SMOC2: variants seen among roughly 807,000 people sequenced by gnomAD.
SMOC2 encodes SPARC related modular calcium binding 2, also known as SPARC-related modular calcium-binding protein 2.
A neutral mutation model predicts 61.4 loss-of-function variants in SMOC2; 39 were observed. That is an observed-to-expected ratio of 0.64 (90% CI 0.49 to 0.83). SMOC2 has a LOEUF of 0.83. Ranked by LOEUF, SMOC2 falls within the 40% of genes least tolerant of loss-of-function variation. SMOC2 has a pLI of 0.00. For missense variants in SMOC2, 556 were observed against 592.9 expected (o/e 0.94, Z 0.65); for synonymous variants, 247 against 239.9 (o/e 1.03, Z -0.27).
intron 7 of SMOC2, among the ~76,000 whole-genome samples, chr6:168,573,321 G>A (rs1289981370): frequency 9.7e-6 from 1 of 103,600 alleles, no homozygotes; most frequent in Non-Finnish European, 1.8e-5. Flanking sequence ...CGGGACCAGG[G>A]CTGCGTGCTC....
At chr6:168,581,887 C>T (rs915038623) in intron 7 of SMOC2, among the ~76,000 whole-genome samples, 2 of 152,188 alleles carry the variant, frequency 1.3e-5, no homozygotes, top group Non-Finnish European at 2.9e-5. Flanking sequence ...CTGACTTCAG[C>T]GTCTCCTTCA....
chr6:168,558,800 TGC>T (rs980737073), intron 7 of SMOC2, among the ~76,000 whole-genome samples: 7 of 133,466 alleles, frequency 5.2e-5, no homozygotes, highest in Non-Finnish European at 1.0e-4. Context: ...GGTGTGCGTG[TGC>T]GCATGTGTGT....
intron 2 of SMOC2, among the ~76,000 whole-genome samples, chr6:168,515,458 C>T (rs370573310): frequency 4.4e-3 from 123 of 28,216 alleles, no homozygotes; most frequent in East Asian, 0.12. Context: ...GTCCGCTTTC[C>T]GCTCCACGAG....
At chr6:168,565,086 G>A (rs1784513118) in intron 7 of SMOC2, among the ~76,000 whole-genome samples, 1 of 152,236 alleles carries the variant, frequency 6.6e-6, no homozygotes, top group African/African-American at 2.4e-5. Flanking sequence ...TTATTTACCT[G>A]AAATTCAGAT....
chr6:168,621,716 CACG>C (rs1486832481), intron 9 of SMOC2, among the ~76,000 whole-genome samples: 6 of 31,584 alleles, frequency 1.9e-4, no homozygotes, highest in African/African-American at 7.6e-4. Context: ...CATCAGATCT[CACG>C]ATCTCACGCG....
chr6:168,659,622 G>GATTGTTGGCTGGA (rs1787435118), intron 11 of SMOC2, among the ~76,000 whole-genome samples: 6 of 77,476 alleles, frequency 7.7e-5, no homozygotes, highest in African/African-American at 1.5e-4. Context: ...TGTAGGCTGA[G>GATTGTTGGCTGGA]TGAGGGTGGA....
chr6:168,471,106 T>C (rs1205982278), intron 1 of SMOC2, among the ~76,000 whole-genome samples: 1 of 152,206 alleles, frequency 6.6e-6, no homozygotes, highest in African/African-American at 2.4e-5. Context: ...TTTTTAAAAA[T>C]CGTAAGCATT....
chr6:168,562,787 G>A (rs1054640924), intron 7 of SMOC2, among the ~76,000 whole-genome samples: 2 of 152,204 alleles, frequency 1.3e-5, no homozygotes, highest in Admixed American at 6.5e-5. Flanking sequence ...CCTGCCCCGG[G>A]AGAGCGTTGC....
intron 9 of SMOC2, among the ~76,000 whole-genome samples, chr6:168,638,933 T>C (rs1239517950): frequency 6.6e-6 from 1 of 152,208 alleles, no homozygotes; most frequent in South Asian, 2.1e-4. Context: ...GCTCCGTCCG[T>C]AGTGCATGAG....
chr6:168,613,430 A>C (rs991606675), intron 9 of SMOC2, among the ~76,000 whole-genome samples: 6 of 152,068 alleles, frequency 3.9e-5, no homozygotes, highest in African/African-American at 1.4e-4. Context: ...CCTGTACCCC[A>C]AGCCAGGGTC....
intron 1 of SMOC2, among the ~76,000 whole-genome samples, chr6:168,488,801 ACT>A (rs1325155895): frequency 2.0e-5 from 3 of 151,482 alleles, no homozygotes; most frequent in African/African-American, 7.3e-5. Context: ...CTTGGATCAC[ACT>A]GTTTTAGAGG....
chr6:168,607,159 C>G (rs557895285), intron 8 of SMOC2, among the ~76,000 whole-genome samples: 1 of 152,172 alleles, frequency 6.6e-6, no homozygotes, highest in Admixed American at 6.5e-5. Flanking sequence ...TGAAGGATTT[C>G]TGTGTGCGGA....
chr6:168,518,401 G>A (rs915888898), intron 2 of SMOC2, among the ~76,000 whole-genome samples: 1 of 136,340 alleles, frequency 7.3e-6, no homozygotes, highest in African/African-American at 2.6e-5. Flanking sequence ...GATTGTGTAT[G>A]CTTGTGTGTG....
intron 1 of SMOC2, among the ~76,000 whole-genome samples, chr6:168,484,604 A>G (rs2115026581): frequency 6.6e-6 from 1 of 152,346 alleles, no homozygotes. Flanking sequence ...TGTACCCAAT[A>G]GAACTGAAAG....
chr6:168,474,595 G>A (rs974456378), intron 1 of SMOC2, among the ~76,000 whole-genome samples: 6 of 152,030 alleles, frequency 3.9e-5, no homozygotes, highest in African/African-American at 1.2e-4. Flanking sequence ...ATTTACAAAC[G>A]TGTCTGTCCA....
chr6:168,574,640 CAG>C (rs999313725), intron 7 of SMOC2, among the ~76,000 whole-genome samples: 36 of 152,098 alleles, frequency 2.4e-4, no homozygotes, highest in African/African-American at 6.3e-4. Context: ...CTGCCTGAGT[CAG>C]GGGGGATTCC....
chr6:168,526,993 T>C (rs993383410), intron 3 of SMOC2, among the ~76,000 whole-genome samples: 3 of 152,158 alleles, frequency 2.0e-5, no homozygotes, highest in African/African-American at 4.8e-5. Flanking sequence ...TAACTCCTTA[T>C]TAAGGAAAAA....
chr6:168,659,645 G>A (rs112524129), intron 11 of SMOC2, among the ~76,000 whole-genome samples: 51 of 150,310 alleles, frequency 3.4e-4, no homozygotes, highest in African/African-American at 1.2e-3. Context: ...TTGTAGGTTG[G>A]GTGAGGGTGG....
rs564558637 is a variant in SMOC2, at chr6:168,536,052, G to T, written c.464-7573G>T. Among the ~76,000 whole-genome samples the T allele has an allele frequency of 2.6e-5, 4 of 152,232 alleles. No homozygotes were observed. In the South Asian group the frequency reaches 8.3e-4, roughly 32 times the overall value. On this transcript the variant is annotated intron_variant, in intron 4 of 12. Coordinates refer to ENST00000356284, the MANE Select transcript of SMOC2 (RefSeq NM_001166412.2). ...CACTCGGAGGGCCTGATGGGCCCAG[G>T]CTGTGCCGGCTCCTGGAGTTTCTGG...
Sources: allele counts gnomAD v4.1 joint callset (sites outside exome capture counted in the v4.1 genomes callset), GRCh38; gene constraint gnomAD v4.1.1; transcripts MANE v1.5; gene names NCBI Gene and HGNC (gene_info 2026-07-23, HGNC 2026-07-21).